Variants in NRXN3 observed in about 807,000 individuals in gnomAD.
NRXN3 encodes neurexin III.
A neutral mutation model predicts 137.6 loss-of-function variants in NRXN3; 32 were observed. The ratio of observed to expected loss-of-function variants is 0.23; its 90% CI spans 0.18 to 0.31. NRXN3 has a LOEUF of 0.31. NRXN3 is among the 10% of genes least tolerant of loss of function. The pLI, the probability that NRXN3 is intolerant of heterozygous loss-of-function variation, is 1.00. For missense variants in NRXN3, 1,574 were observed against 2,062.5 expected (o/e 0.76, Z 4.59); for synonymous variants, 798 against 784.5 (o/e 1.02, Z -0.29).
chr14:78,658,076 G>A (rs2097799362), intron 6 of NRXN3, among the ~76,000 whole-genome samples: 1 of 152,076 alleles, frequency 6.6e-6, no homozygotes, highest in African/African-American at 2.4e-5. Flanking sequence ...TAATGTCTCT[G>A]TCCATAAGCA....
chr14:79,259,853 C>A (rs561418217), intron 15 of NRXN3, among the ~76,000 whole-genome samples: 2 of 151,834 alleles, frequency 1.3e-5, no homozygotes, highest in Admixed American at 6.6e-5. Context: ...ACTGAACTAT[C>A]TTCAGTGCAT....
At chr14:79,777,545 G>T (rs968682803) in intron 19 of NRXN3, among the ~76,000 whole-genome samples, 1 of 151,808 alleles carries the variant, frequency 6.6e-6, no homozygotes, top group Non-Finnish European at 1.5e-5. Context: ...TATAGAAGAT[G>T]AAGTGGAAAA....
At chr14:79,787,189 A>G (rs140572650) in intron 19 of NRXN3, among the ~76,000 whole-genome samples, 2 of 152,210 alleles carry the variant, frequency 1.3e-5, no homozygotes, top group Non-Finnish European at 2.9e-5. Flanking sequence ...TTTATGGACC[A>G]CTGAGGCATT....
At chr14:78,644,296 G>A (rs1389351929) in intron 4 of NRXN3, among the ~76,000 whole-genome samples, 1 of 152,012 alleles carries the variant, frequency 6.6e-6, no homozygotes, top group African/African-American at 2.4e-5. Context: ...AGAGTATATG[G>A]GCTCCAGTAG....
chr14:79,133,713 C>A (rs1386444129), intron 15 of NRXN3, among the ~76,000 whole-genome samples: 1 of 151,854 alleles, frequency 6.6e-6, no homozygotes, highest in East Asian at 1.9e-4. Context: ...ATCACGAGGT[C>A]AGGGGATCGA....
chr14:79,707,175 T>C (rs1319376347), intron 19 of NRXN3, among the ~76,000 whole-genome samples: 3 of 152,208 alleles, frequency 2.0e-5, no homozygotes, highest in African/African-American at 4.8e-5. Context: ...TTGCTCATCA[T>C]TGGACATTTA....
At chr14:78,971,902 G>C (rs31407) in intron 14 of NRXN3, among the ~76,000 whole-genome samples, 67,964 of 152,010 alleles carry the variant, frequency 0.45, 20,509 homozygotes, top group African/African-American at 0.86. Flanking sequence ...TCCCAAAGTG[G>C]TAGCAAAATT....
At chr14:79,721,557 A>G (rs2098844653) in intron 19 of NRXN3, among the ~76,000 whole-genome samples, 1 of 152,130 alleles carries the variant, frequency 6.6e-6, no homozygotes, top group Non-Finnish European at 1.5e-5. Context: ...ATCTACGGGA[A>G]TGATTAGGGG....
intron 10 of NRXN3, among the ~76,000 whole-genome samples, chr14:78,880,900 T>C (rs1216679176): frequency 2.0e-5 from 3 of 152,128 alleles, no homozygotes; most frequent in Non-Finnish European, 2.9e-5. Context: ...CCCACCCAAA[T>C]CACATCTTGA....
intron 20 of NRXN3, among the ~76,000 whole-genome samples, chr14:79,858,868 T>C (rs2099408327): frequency 6.6e-6 from 1 of 152,018 alleles, no homozygotes. Context: ...TAGGACTGGC[T>C]TACCTTTAGG....
rs35800837 is a variant in NRXN3, at chr14:78,224,750, C to CTTTTT, written c.-703-17618_-703-17614dup. Among the ~76,000 whole-genome samples, 306 of 64,844 alleles carry CTTTTT rather than the reference C, an allele frequency of 4.7e-3. 81 individuals carry two copies. The highest frequency in any genetic ancestry group is 9.3e-3 in the African/African-American group (153 of 16,488). 42.5% of individuals were successfully genotyped at this position (64,844 alleles called of 152,430 possible). A position where few individuals can be genotyped will look rare whatever the true frequency, so the allele number is the denominator to read the frequency against. ...ACAATAAACATACGTGTGCATGTGTCTTTTTTTTTTTTTTTTTTTTTTTTT... is the reference window on the plus strand; with the variant it reads ...ACAATAAACATACGTGTGCATGTGTCTTTTTTTTTTTTTTTTTTTTTTTTTTTTTT... On this transcript the variant is annotated intron_variant, in intron 1 of 20. Transcript: ENST00000335750.
chr14:79,133,060 C>A (rs972650912), intron 15 of NRXN3, among the ~76,000 whole-genome samples: 2 of 152,214 alleles, frequency 1.3e-5, no homozygotes, highest in Non-Finnish European at 2.9e-5. Context: ...TGTCTATGGA[C>A]AGCACTCTTT....
chr14:78,456,799 C>CTTTCTTTCTTTCTTTCTT (rs1177466177), intron 4 of NRXN3, among the ~76,000 whole-genome samples: 1 of 97,620 alleles, frequency 1.0e-5, no homozygotes, highest in African/African-American at 3.5e-5. Context: ...CTCTCTTTCT[C>CTTTCTTTCTTTCTTTCTT]TCTTTCTTTC....
chr14:78,486,221 G>T (rs1404986081), intron 4 of NRXN3, among the ~76,000 whole-genome samples: 1 of 152,138 alleles, frequency 6.6e-6, no homozygotes, highest in African/African-American at 2.4e-5. Flanking sequence ...ATGTAAGCCT[G>T]GATGAATGAC....
chr14:79,754,577 C>T (rs1311136155), intron 19 of NRXN3, among the ~76,000 whole-genome samples: 4 of 132,740 alleles, frequency 3.0e-5, no homozygotes, highest in Non-Finnish European at 6.2e-5. Flanking sequence ...CACATACACA[C>T]ACACACACAC....
intron 4 of NRXN3, among the ~76,000 whole-genome samples, chr14:78,591,383 T>A (rs1371934144): frequency 6.6e-6 from 1 of 152,188 alleles, no homozygotes; most frequent in African/African-American, 2.4e-5. Flanking sequence ...TTCCAGGTGC[T>A]GTCCATATTG....
chr14:79,153,032 G>A (rs1475199636), intron 15 of NRXN3, among the ~76,000 whole-genome samples: 1 of 151,910 alleles, frequency 6.6e-6, no homozygotes, highest in Non-Finnish European at 1.5e-5. Flanking sequence ...TGAGATTAAG[G>A]AAGCCAACTG....
chr14:79,509,163 A>C (rs1324269216), intron 16 of NRXN3, among the ~76,000 whole-genome samples: 1 of 152,050 alleles, frequency 6.6e-6, no homozygotes, highest in African/African-American at 2.4e-5. Context: ...CACTGCACTC[A>C]AGTCTGGGTG....
intron 10 of NRXN3, among the ~76,000 whole-genome samples, chr14:78,926,610 A>G (rs147505847): frequency 0.034 from 3,847 of 112,980 alleles, 243 homozygotes; most frequent in African/African-American, 0.12. Flanking sequence ...ATATATATAT[A>G]TATAATGTAT....
Sources: allele counts gnomAD v4.1 joint callset (sites outside exome capture counted in the v4.1 genomes callset), GRCh38; gene constraint gnomAD v4.1.1; transcripts MANE v1.5; gene names NCBI Gene and HGNC (gene_info 2026-07-23, HGNC 2026-07-21).